Variants in C2orf81 observed in about 807,000 individuals in gnomAD.
The protein encoded by C2orf81 is chromosome 2 open reading frame 81, also known as uncharacterized protein C2orf81.
A neutral mutation model predicts 7.9 loss-of-function variants in C2orf81; 5 were observed. That is an observed-to-expected ratio of 0.63 (90% CI 0.33 to 1.33). The LOEUF (loss-of-function observed/expected upper bound fraction) is 1.33. C2orf81 is among the 40% of genes most tolerant of loss of function. The probability of loss-of-function intolerance (pLI) is 0.05; values close to 1 mark genes in which losing one functional copy is unlikely to be tolerated. For missense variants in C2orf81, 781 were observed against 830.4 expected, an observed-to-expected ratio of 0.94 and a Z score of 0.73; for synonymous variants, 346 against 367.4, an observed-to-expected ratio of 0.94 and a Z score of 0.66.
chr2:74,417,924 G>C (rs1355861606), intron 1 of C2orf81, among the ~76,000 whole-genome samples: 3 of 152,054 alleles, frequency 2.0e-5, no homozygotes, highest in Admixed American at 6.5e-5. Context: ...GATGGGAAGA[G>C]GCCAGGGGAA....
rs1308505765 is a variant in C2orf81 at position 74,416,296 on chromosome 2, A to C, written c.19-55T>G. 4.9e-6 allele frequency: 6 copies of C among 1,227,174 alleles called. No individual in the cohort carries two copies. In the African/African-American group the frequency reaches 6.2e-5, roughly 13 times the overall value. 76.0% of individuals were successfully genotyped at this position (1,227,174 alleles called of 1,614,324 possible). On this transcript the variant is annotated intron_variant, in intron 1 of 2. Transcript: ENST00000684111. ...AGGAAACCAAGAAGTGGAACGGAAG[A>C]GTAGCTATAGGCTAGGAGGAAGCTT...
intron 1 of C2orf81, among the ~76,000 whole-genome samples, chr2:74,419,047 G>C (rs745806781): frequency 6.6e-6 from 1 of 152,044 alleles, no homozygotes; most frequent in Non-Finnish European, 1.5e-5. Flanking sequence ...CAGGCATGGT[G>C]GTGGGCGCCT....
In C2orf81 at chr2:74,415,814, A is replaced by C. The variant is rs1201567619; in HGVS notation, c.363T>G (p.Gly121=). 1.3e-6 allele frequency: 2 copies of C among 1,551,432 alleles called. No individual in the cohort carries two copies. Among genetic ancestry groups the C allele is most frequent in the African/African-American group, 2.7e-5 (2 of 73,104 alleles). ...TGCATGCCGAAGGCTCCTCGTCCTC[A>C]CCCCATGTGGGGTCCTCAGCTACTG... is the stretch of plus-strand genomic sequence containing the variant. ...ESAVAEDPTW[G]EDEEPSACTT... The change falls in exon 3 of 3, where the codon GGT becomes GGG. Residue 121 remains glycine, a synonymous_variant. Transcript: ENST00000684111. The surrounding 1 kb of genome is among the most constrained non-coding windows in gnomAD (Gnocchi z 5.5).
intron 1 of C2orf81, chr2:74,417,304 A>G: frequency 8.1e-7 from 1 of 1,228,754 alleles, no homozygotes; most frequent in Non-Finnish European, 1.1e-6. Context: ...AAAATGGCCA[A>G]GTGGTAGAAG....
rs1676398280 is a variant in C2orf81 at position 74,414,884 on chromosome 2, C to A, written c.1293G>T (p.Pro431=). 3 of 1,546,356 alleles carry A rather than the reference C, an allele frequency of 1.9e-6. No individual in the cohort carries two copies. Among genetic ancestry groups the A allele is most frequent in the African/African-American group, 1.4e-5 (1 of 72,962 alleles). ...QALGPGTRVS[P]AAFFPLRPGI... is the part of the protein sequence containing the mutation. ...CTGGCCGGAGAGGGAAGAACGCTGC[C>A]GGGGAGACACGGGTGCCGGGGCCGA... The change falls in exon 3 of 3, where the codon CCG becomes CCT. Residue 431 remains proline, a synonymous_variant. Transcript: ENST00000684111. The surrounding 1 kb of genome is among the most constrained non-coding windows in gnomAD (Gnocchi z 5.3).
At position 74,415,304 on chromosome 2, in the gene C2orf81, T is replaced by C; in HGVS notation, c.873A>G (p.Gly291=). ...VASPQASTGR[G]HPLGFHLSLE... ...ACGACAAATGGAAGCCGAGGGGGTG[T>C]CCCCTCCCAGTTGAGGCCTGGGGGC... Residue 291 remains glycine (G), a synonymous_variant, in exon 3 of 3, where the codon GGA becomes GGG. Coordinates refer to ENST00000684111, the MANE Select transcript of C2orf81 (RefSeq NM_001316764.3). This position sits in a 1 kb window ranked among gnomAD's most constrained non-coding sequence, Gnocchi z 5.5. 2 of 1,550,182 alleles carry C rather than the reference T, an allele frequency of 1.3e-6. No homozygotes were observed. Among genetic ancestry groups the C allele is most frequent in the Non-Finnish European group, 1.7e-6 (2 of 1,146,310 alleles).
At position 74,415,766 on chromosome 2, in the gene C2orf81, A is replaced by ACCCTGAG; in HGVS notation, c.404_410dup (p.Val139GlyfsTer112). On this transcript the variant is annotated frameshift_variant, in exon 3 of 3. Transcript: ENST00000684111. LOFTEE classifies it low-confidence loss of function (END_TRUNC). The surrounding 1 kb of genome is among the most constrained non-coding windows in gnomAD (Gnocchi z 5.5). ...TGGACGCGTGCAGCACGGGCACTGA[A>ACCCTGAG]CCCTGAGCCCAGGAGTCCGTCGTGC... is the stretch of plus-strand genomic sequence containing the variant. The ACCCTGAG allele has an allele frequency of 6.4e-7, 1 of 1,551,546 alleles. No individual in the cohort carries two copies. Among genetic ancestry groups the ACCCTGAG allele is most frequent in the Non-Finnish European group, 8.7e-7 (1 of 1,146,980 alleles).
At position 74,414,497 on chromosome 2, in the gene C2orf81, G is replaced by C. The variant is rs2240444; in HGVS notation, c.1680C>G (p.Pro560=). Residue 560 remains proline (P), a synonymous_variant, in exon 3 of 3, where the codon CCC becomes CCG. Transcript: ENST00000684111. This position sits in a 1 kb window ranked among gnomAD's most constrained non-coding sequence, Gnocchi z 5.3. ...LEATSQVMWK[P]VLLPEALKLA... Reference sequence around the variant, plus strand: ...GCTTCAGGGCTTCTGGCAGCAACACGGGCTTCCACATCACCTGGGAAGTGG... The same window carrying C: ...GCTTCAGGGCTTCTGGCAGCAACACCGGCTTCCACATCACCTGGGAAGTGG... The C allele has an allele frequency of 0.2, 305,925 of 1,549,460 alleles. 56,965 individuals are homozygous for C. The highest frequency in any genetic ancestry group is 0.84 in the East Asian group (34,162 of 40,872).
In C2orf81 at chr2:74,415,644, G is replaced by C; in HGVS notation, c.533C>G (p.Ser178Cys). 6.4e-7 allele frequency: 1 copy of C among 1,551,192 alleles called. No individual in the cohort carries two copies. Among genetic ancestry groups the C allele is most frequent in the Non-Finnish European group, 8.7e-7 (1 of 1,146,996 alleles). The stretch of plus-strand genomic sequence containing the variant: ...CTGGGGAAATGCACTCGGGCAGTGA[G>C]ATGTCGGAAAGGGGAGAGCAGGAGC... ...AIAPALPFPT[S>C]HCPSAFPQDP... Residue 178 changes from serine to cysteine, a missense_variant, in exon 3 of 3, where the codon TCT becomes TGT. Transcript: ENST00000684111. This position sits in a 1 kb window ranked among gnomAD's most constrained non-coding sequence, Gnocchi z 5.5.
chr2:74,418,545 G>A, intron 1 of C2orf81: 2 of 784,900 alleles, frequency 2.5e-6, no homozygotes, highest in Non-Finnish European at 4.4e-6. Flanking sequence ...CAGCGGTGCT[G>A]GGCGCTGAGG....
chr2:74,415,974 A>G lies in C2orf81; in HGVS notation c.249+37T>C. On this transcript the variant is annotated intron_variant, in intron 2 of 2. Transcript: ENST00000684111. This position sits in a 1 kb window ranked among gnomAD's most constrained non-coding sequence, Gnocchi z 5.5. ...TCAGGTCGGCAGGGAGGGGCGGGAG[A>G]GGGAGACGAGTCTGAAGGACCCGGA... 1 of 1,547,682 alleles carries G rather than the reference A, an allele frequency of 6.5e-7. No homozygotes were observed.
In C2orf81 at chr2:74,415,149, C is replaced by T. The variant is rs555714037; in HGVS notation, c.1028G>A (p.Arg343His). ...VSYPSVGGAT[R>H]PSASCQQQRA... is the part of the protein sequence containing the mutation. ...CTGCTGCTGGCAGGACGCGGAGGGG[C>T]GGGTGGCGCCGCCCACAGAGGGGTA... is the stretch of plus-strand genomic sequence containing the variant. The change falls in exon 3 of 3, where the codon CGC (arginine) becomes CAC (histidine). Residue 343 changes from arginine (R) to histidine (H), a missense_variant. Arg to His is a conservative substitution (Grantham distance 29, BLOSUM62 0). Coordinates refer to ENST00000684111, the MANE Select transcript of C2orf81 (RefSeq NM_001316764.3). This position sits in a 1 kb window ranked among gnomAD's most constrained non-coding sequence, Gnocchi z 5.5. 1 of 1,535,886 alleles carries T rather than the reference C, an allele frequency of 6.5e-7. No individual in the cohort carries two copies. The highest frequency in any genetic ancestry group is 1.4e-5 in the African/African-American group (1 of 72,338).
intron 1 of C2orf81, chr2:74,418,403 A>G (rs746627675): frequency 2.8e-5 from 44 of 1,586,936 alleles, no homozygotes; most frequent in Non-Finnish European, 3.5e-5. Flanking sequence ...TTCTGCTTGG[A>G]GGCCAAGGGC....
chr2:74,418,216 G>A (rs1244771798), intron 1 of C2orf81: 2 of 1,547,702 alleles, frequency 1.3e-6, no homozygotes, highest in Admixed American at 1.8e-5. Flanking sequence ...CAGAGTTGTG[G>A]TGGTTTTCCC....
rs371075893 is a variant in C2orf81 at position 74,415,822 on chromosome 2, T to A, written c.355A>T (p.Thr119Ser). The change falls in exon 3 of 3, where the codon ACA becomes TCA. Residue 119 changes from threonine (T) to serine (S), a missense_variant. Physicochemically the swap from Thr to Ser is moderately conservative, Grantham distance 58. Coordinates refer to ENST00000684111, the MANE Select transcript of C2orf81 (RefSeq NM_001316764.3). This position sits in a 1 kb window ranked among gnomAD's most constrained non-coding sequence, Gnocchi z 5.5. ...GAAGGCTCCTCGTCCTCACCCCATG[T>A]GGGGTCCTCAGCTACTGCAGATTCT... Reference protein sequence around the residue: ...EGESAVAEDPTWGEDEEPSAC... With the variant: ...EGESAVAEDPSWGEDEEPSAC... 19 of 1,551,454 alleles carry A rather than the reference T, an allele frequency of 1.2e-5. No homozygotes were observed. The highest frequency in any genetic ancestry group is 1.0e-5 in the Non-Finnish European group (12 of 1,147,018).
chr2:74,414,532 C>G lies in C2orf81; in HGVS notation c.1645G>C (p.Val549Leu). 6.5e-7 allele frequency: 1 copy of G among 1,543,914 alleles called. No individual in the cohort carries two copies. The highest frequency in any genetic ancestry group is 8.8e-7 in the Non-Finnish European group (1 of 1,141,928). The change falls in exon 3 of 3, where the codon GTC (valine) becomes CTC (leucine). Residue 549 changes from valine (V) to leucine (L), a missense_variant. Coordinates refer to ENST00000684111, the MANE Select transcript of C2orf81 (RefSeq NM_001316764.3). This position sits in a 1 kb window ranked among gnomAD's most constrained non-coding sequence, Gnocchi z 5.3. The part of the protein sequence containing the change: ...PGRWPRTTPP[V>L]LEATSQVMWK... ...ATCACCTGGGAAGTGGCTTCAAGGA[C>G]CGGGGGTGTGGTTCGAGGCCATCTG... is the stretch of plus-strand genomic sequence containing the variant.
chr2:74,414,456 C>T lies in C2orf81; in HGVS notation c.1721G>A (p.Ser574Asn), dbSNP rs1676379458. ...CACCTGGGTGCTCCGGTTCCACATG[C>T]TCACACCAGGGGCCAGCTTCAGGGC... ...PEALKLAPGV[S>N]MWNRSTQVLL... The change falls in exon 3 of 3, where the codon AGC becomes AAC. Residue 574 changes from serine to asparagine, a missense_variant. By Grantham distance (46) the Ser-to-Asn change is conservative (BLOSUM62 1). Coordinates refer to ENST00000684111, the MANE Select transcript of C2orf81 (RefSeq NM_001316764.3). The surrounding 1 kb of genome is among the most constrained non-coding windows in gnomAD (Gnocchi z 5.3). 5.2e-6 allele frequency: 8 copies of T among 1,551,340 alleles called. No homozygotes were observed. Among genetic ancestry groups the T allele is most frequent in the Non-Finnish European group, 7.0e-6 (8 of 1,146,746 alleles).
rs1326277854 is a variant in C2orf81, at chr2:74,415,759, GCACTGAA to G, written c.411_417del (p.Ser138ProfsTer57). On this transcript the variant is annotated frameshift_variant, in exon 3 of 3. Coordinates refer to ENST00000684111, the MANE Select transcript of C2orf81 (RefSeq NM_001316764.3). LOFTEE classifies it low-confidence loss of function (END_TRUNC). This position sits in a 1 kb window ranked among gnomAD's most constrained non-coding sequence, Gnocchi z 5.5. ...TCCGAGGTGGACGCGTGCAGCACGG[GCACTGAA>G]CCCTGAGCCCAGGAGTCCGTCGTGC... 2 of 1,551,612 alleles carry G rather than the reference GCACTGAA, an allele frequency of 1.3e-6. No homozygotes were observed. The highest frequency in any genetic ancestry group is 1.7e-6 in the Non-Finnish European group (2 of 1,147,004).
intron 1 of C2orf81, among the ~76,000 whole-genome samples, chr2:74,419,535 G>A (rs974455344): frequency 6.6e-6 from 1 of 152,118 alleles, no homozygotes; most frequent in African/African-American, 2.4e-5. Flanking sequence ...TGCTGCAACA[G>A]TATGCATGAA....
Sources: allele counts gnomAD v4.1 joint callset (sites outside exome capture counted in the v4.1 genomes callset), GRCh38; gene constraint gnomAD v4.1.1; non-coding constraint Gnocchi (gnomAD v3.1); transcripts MANE v1.5; gene names NCBI Gene and HGNC (gene_info 2026-07-23, HGNC 2026-07-21).